The following CFAP95 variants were observed in gnomAD, a reference collection of about 807,000 sequenced individuals.
The protein encoded by CFAP95 is cilia- and flagella-associated protein 95.
At chr9:69,887,488 C>T in the CFAP95 span, among the ~76,000 whole-genome samples, 1 of 152,142 alleles carries the variant, frequency 6.6e-6, no homozygotes, top group South Asian at 2.1e-4. Flanking sequence ...AGATATTAAT[C>T]TGAGAAGTAA....
At chr9:69,899,189 T>C in the CFAP95 span, among the ~76,000 whole-genome samples, 1 of 152,250 alleles carries the variant, frequency 6.6e-6, no homozygotes, top group Non-Finnish European at 1.5e-5. Context: ...CACCGAATAG[T>C]GACCTAGCCA....
chr9:69,900,830 A>G, the CFAP95 span, among the ~76,000 whole-genome samples: 1 of 152,166 alleles, frequency 6.6e-6, no homozygotes, highest in African/African-American at 2.4e-5. Flanking sequence ...GATCTGTTTC[A>G]AGAGTTTCCA....
At chr9:69,856,690 TCTTTA>T in the CFAP95 span, 1 of 1,563,130 alleles carries the variant, frequency 6.4e-7, no homozygotes. Context: ...TTAATACTTT[TCTTTA>T]CTTTATAGAA....
At chr9:69,902,447 C>T in the CFAP95 span, 12 of 358,626 alleles carry the variant, frequency 3.3e-5, no homozygotes, top group Non-Finnish European at 1.1e-5. Flanking sequence ...ATGTTAGAAG[C>T]TGGTATGACT....
chr9:69,874,986 C>A, the CFAP95 span, among the ~76,000 whole-genome samples: 2 of 152,198 alleles, frequency 1.3e-5, no homozygotes, highest in South Asian at 2.1e-4. Context: ...CAAGACAATG[C>A]CTAGAAATAA....
chr9:69,851,836 T>G, the CFAP95 span, among the ~76,000 whole-genome samples: 1 of 149,776 alleles, frequency 6.7e-6, no homozygotes, highest in Admixed American at 6.7e-5. Context: ...CCACTACACT[T>G]CAGCATGGGT....
At chr9:69,847,849 T>C in the CFAP95 span, among the ~76,000 whole-genome samples, 1 of 152,230 alleles carries the variant, frequency 6.6e-6, no homozygotes, top group Non-Finnish European at 1.5e-5. Context: ...ATGAGCATCA[T>C]TTATTTGTAG....
the CFAP95 span, among the ~76,000 whole-genome samples, chr9:69,861,500 G>C: frequency 6.6e-6 from 1 of 152,108 alleles, no homozygotes; most frequent in South Asian, 2.1e-4. Flanking sequence ...TTACCCTACA[G>C]ATGAATAAAT....
At chr9:69,843,547 TCCTC>T in the CFAP95 span, among the ~76,000 whole-genome samples, 8 of 26,200 alleles carry the variant, frequency 3.1e-4, no homozygotes, top group Non-Finnish European at 5.2e-4. Flanking sequence ...CTCCTCCTCC[TCCTC>T]CTCCTCCTTC....
the CFAP95 span, among the ~76,000 whole-genome samples, chr9:69,901,125 T>G: frequency 4.6e-5 from 7 of 151,142 alleles, no homozygotes; most frequent in South Asian, 2.1e-4. Context: ...TGTTTGGTTT[T>G]GTTTTGTTTG....
chr9:69,840,652 T>C, the CFAP95 span, among the ~76,000 whole-genome samples: 1 of 152,206 alleles, frequency 6.6e-6, no homozygotes, highest in African/African-American at 2.4e-5. Context: ...AGAGAGCATA[T>C]AGTAAAGACA....
At chr9:69,829,288 CT>C in the CFAP95 span, among the ~76,000 whole-genome samples, 1 of 152,174 alleles carries the variant, frequency 6.6e-6, no homozygotes, top group African/African-American at 2.4e-5. Context: ...TTTGCCCTGA[CT>C]ACATTTTTCT....
the CFAP95 span, among the ~76,000 whole-genome samples, chr9:69,849,396 A>G: frequency 2.0e-5 from 3 of 152,272 alleles, no homozygotes; most frequent in East Asian, 5.8e-4. Flanking sequence ...GGAAGAGGAC[A>G]AAAGGAAGAA....
chr9:69,820,926 A>G, the CFAP95 span: 108 of 1,614,126 alleles, frequency 6.7e-5, no homozygotes, highest in African/African-American at 1.2e-3. Flanking sequence ...GACAGGAAGC[A>G]ACACTGGTTG....
chr9:69,831,433 C>CT, the CFAP95 span, among the ~76,000 whole-genome samples: 27,766 of 151,226 alleles, frequency 0.18, 2,683 homozygotes, highest in East Asian at 0.33. Context: ...ATGAAGAACT[C>CT]TTTTTTTTTA....
chr9:69,873,637 T>C, the CFAP95 span, among the ~76,000 whole-genome samples: 1 of 152,202 alleles, frequency 6.6e-6, no homozygotes, highest in Non-Finnish European at 1.5e-5. Flanking sequence ...TCCAAATTAG[T>C]TCTCTGCTTC....
At chr9:69,901,127 T>C in the CFAP95 span, among the ~76,000 whole-genome samples, 38 of 150,440 alleles carry the variant, frequency 2.5e-4, 1 homozygote, top group African/African-American at 9.1e-4. Flanking sequence ...TTTGGTTTTG[T>C]TTTGTTTGGT....
chr9:69,904,614 A>G, the CFAP95 span, among the ~76,000 whole-genome samples: 1 of 152,302 alleles, frequency 6.6e-6, no homozygotes, highest in South Asian at 2.1e-4. Context: ...GAAGGAGCCC[A>G]TAGACGCTGT....
chr9:69,895,953 G>C, the CFAP95 span, among the ~76,000 whole-genome samples: 33,241 of 152,078 alleles, frequency 0.22, 4,205 homozygotes, highest in Non-Finnish European at 0.27. Context: ...GAGCTGCTGC[G>C]CCTGGCCTGG....
Sources: allele counts gnomAD v4.1 joint callset (sites outside exome capture counted in the v4.1 genomes callset), GRCh38; gene constraint gnomAD v4.1.1; transcripts MANE v1.5; gene names NCBI Gene and HGNC (gene_info 2026-07-23, HGNC 2026-07-21).